TANC2: variants seen among roughly 807,000 people sequenced by gnomAD.
The protein encoded by TANC2 is protein TANC2.
A neutral mutation model predicts 210.5 loss-of-function variants in TANC2; 26 were observed. The ratio of observed to expected loss-of-function variants is 0.12; its 90% CI spans 0.09 to 0.17. The LOEUF is 0.17. TANC2 is among the 10% of genes least tolerant of loss of function. TANC2 has a pLI of 1.00. For synonymous variants in TANC2, 931 were observed against 967.1 expected, an observed-to-expected ratio of 0.96 and a Z score of 0.69; for missense variants, 2,129 against 2,608.9, an observed-to-expected ratio of 0.82 and a Z score of 4.01.
intron 9 of TANC2, among the ~76,000 whole-genome samples, chr17:63,302,803 G>T (rs1307295711): frequency 6.6e-6 from 1 of 151,540 alleles, no homozygotes; most frequent in Non-Finnish European, 1.5e-5. Context: ...TTGCTCTGTT[G>T]CCCAGGGTGG....
At chr17:63,290,574 A>T (rs951189601) in intron 9 of TANC2, among the ~76,000 whole-genome samples, 2 of 152,206 alleles carry the variant, frequency 1.3e-5, no homozygotes, top group African/African-American at 4.8e-5. Flanking sequence ...ATAAGTGGGC[A>T]GTCACAGGAT....
chr17:63,387,614 C>G (rs1014084150), intron 15 of TANC2, among the ~76,000 whole-genome samples: 18 of 152,306 alleles, frequency 1.2e-4, no homozygotes, highest in African/African-American at 4.3e-4. Context: ...TATTACAACC[C>G]AAATTTCATT....
intron 1 of TANC2, among the ~76,000 whole-genome samples, chr17:62,984,138 T>G (rs1004366644): frequency 3.9e-5 from 6 of 152,054 alleles, no homozygotes; most frequent in Non-Finnish European, 5.9e-5. Context: ...ATTCAATTTT[T>G]CTGATTACTG....
At chr17:63,126,260 A>G (rs933303023) in intron 4 of TANC2, among the ~76,000 whole-genome samples, 5 of 152,248 alleles carry the variant, frequency 3.3e-5, no homozygotes, top group Admixed American at 6.5e-5. Flanking sequence ...ATATTTACTG[A>G]ATAAATCAAT....
At chr17:63,096,602 A>T (rs1332546172) in intron 3 of TANC2, among the ~76,000 whole-genome samples, 2 of 152,188 alleles carry the variant, frequency 1.3e-5, no homozygotes, top group Non-Finnish European at 2.9e-5. Context: ...TGGCTAGATA[A>T]TACTTCATTG....
intron 8 of TANC2, among the ~76,000 whole-genome samples, chr17:63,258,376 T>G (rs1400740915): frequency 6.6e-6 from 1 of 152,212 alleles, no homozygotes; most frequent in Non-Finnish European, 1.5e-5. Flanking sequence ...ACTTGAATGT[T>G]AATATATTTC....
At chr17:63,057,291 A>C (rs990753733) in intron 2 of TANC2, among the ~76,000 whole-genome samples, 12 of 152,356 alleles carry the variant, frequency 7.9e-5, no homozygotes, top group African/African-American at 2.9e-4. Flanking sequence ...AAATTAAATG[A>C]TCACAAGGAA....
intron 14 of TANC2, among the ~76,000 whole-genome samples, chr17:63,372,752 G>T (rs1236989081): frequency 1.3e-5 from 2 of 152,016 alleles, no homozygotes; most frequent in Non-Finnish European, 2.9e-5. Flanking sequence ...ATGCCAGTAA[G>T]GAAATTTGTA....
chr17:63,295,991 A>T (rs2044524593), intron 9 of TANC2, among the ~76,000 whole-genome samples: 1 of 152,124 alleles, frequency 6.6e-6, no homozygotes. Context: ...TTCCTGCCTA[A>T]GACTACTCAG....
chr17:63,321,954 C>A (rs1428038133), intron 11 of TANC2, among the ~76,000 whole-genome samples: 2 of 152,084 alleles, frequency 1.3e-5, no homozygotes, highest in East Asian at 3.9e-4. Context: ...TTTCTAATTC[C>A]TATGCTTTGT....
chr17:63,362,516 C>T (rs770821520), intron 14 of TANC2, among the ~76,000 whole-genome samples: 6 of 151,628 alleles, frequency 4.0e-5, no homozygotes, highest in South Asian at 2.1e-4. Context: ...CTGTTCATGC[C>T]GAGAGGCACC....
intron 8 of TANC2, among the ~76,000 whole-genome samples, chr17:63,246,001 C>T (rs1001065545): frequency 4.7e-5 from 6 of 126,788 alleles, no homozygotes; most frequent in Non-Finnish European, 9.6e-5. Context: ...CAGAGTGAGA[C>T]GCTGTCTCAA....
rs1202264219 is a variant in TANC2 at position 63,382,952 on chromosome 17, T to C, written c.2691+3126T>C. Among the ~76,000 whole-genome samples the C allele has an allele frequency of 3.3e-5, 5 of 152,350 alleles. No homozygotes were observed. In the East Asian group the frequency reaches 9.6e-4, roughly 29 times the overall value. ...AACTCTGGCTATACATTAGATTCTC[T>C]TGCAGAGTTTTTTTAAAAATACACA... On this transcript the variant is annotated intron_variant, in intron 15 of 27. Coordinates refer to ENST00000689528, the Ensembl canonical transcript of TANC2.
intron 20 of TANC2, 27 bp downstream of exon 20, chr17:63,405,282 C>T (rs2147281922): frequency 1.3e-6 from 2 of 1,531,666 alleles, no homozygotes; most frequent in Non-Finnish European, 8.9e-7. Context: ...CTTCCAGTCC[C>T]TCAGGCAGGA....
At chr17:63,316,455 G>A (rs2429427) in intron 10 of TANC2, among the ~76,000 whole-genome samples, 45,529 of 151,900 alleles carry the variant, frequency 0.3, 6,992 homozygotes, top group African/African-American at 0.36. Flanking sequence ...GGGAGCAAAA[G>A]TTTATAGAAA....
At chr17:63,036,300 G>T (rs1379393007) in intron 2 of TANC2, among the ~76,000 whole-genome samples, 1 of 152,046 alleles carries the variant, frequency 6.6e-6, no homozygotes, top group Non-Finnish European at 1.5e-5. Flanking sequence ...AAAGTGTGAG[G>T]TTAAGGTTGA....
chr17:63,118,742 T>G (rs2038345757), intron 4 of TANC2, among the ~76,000 whole-genome samples: 1 of 151,922 alleles, frequency 6.6e-6, no homozygotes. Flanking sequence ...ATTGAGTAGC[T>G]TGGACTACAG....
intron 2 of TANC2, among the ~76,000 whole-genome samples, chr17:63,030,158 T>A (rs2034711171): frequency 6.6e-6 from 1 of 152,148 alleles, no homozygotes; most frequent in Non-Finnish European, 1.5e-5. Flanking sequence ...CTTGAACTTT[T>A]TAGAGGAAAT....
chr17:63,397,343 C>T (rs2048199308), intron 18 of TANC2, among the ~76,000 whole-genome samples: 1 of 152,040 alleles, frequency 6.6e-6, no homozygotes, highest in South Asian at 2.1e-4. Context: ...CTATATAATA[C>T]TCTTAATTGA....
Sources: gnomAD v4.1 joint callset for allele counts (sites outside exome capture counted in the v4.1 genomes callset) on GRCh38, gnomAD v4.1.1 for gene constraint, MANE v1.5 for transcripts, NCBI Gene and HGNC (gene_info 2026-07-23, HGNC 2026-07-21) for gene names.